Variants in SETD3 observed in about 807,000 individuals in gnomAD.
The protein encoded by SETD3 is actin-histidine N-methyltransferase.
In SETD3, 19 loss-of-function variants were observed where a neutral mutation model predicts 63.0. The observed-to-expected ratio is 0.30, with a 90% CI of 0.21 to 0.44. The LOEUF is 0.44. SETD3 is among the 20% of genes least tolerant of loss of function. The pLI, the probability that SETD3 is intolerant of heterozygous loss-of-function variation, is 1.00. For synonymous variants in SETD3, 286 were observed against 264.1 expected, an observed-to-expected ratio of 1.08 and a Z score of -0.80; for missense variants, 587 against 728.5, an observed-to-expected ratio of 0.81 and a Z score of 2.24.
chr14:99,408,687 A>G (rs1891813421), intron 8 of SETD3, among the ~76,000 whole-genome samples: 1 of 152,268 alleles, frequency 6.6e-6, no homozygotes, highest in Non-Finnish European at 1.5e-5. Context: ...ACAGGCAAAC[A>G]GGCTGGGATC....
chr14:99,484,129 A>G (rs560554952), upstream of SETD3, among the ~76,000 whole-genome samples: 2 of 152,384 alleles, frequency 1.3e-5, no homozygotes. Context: ...AGGATGTAAC[A>G]TTCCACTTAA....
Position 99,480,843 on chromosome 14 carries a change from G to C in SETD3, c.-124C>G, listed in dbSNP as rs557101253. 2 of 159,756 alleles carry C rather than the reference G, an allele frequency of 1.3e-5. No individual in the cohort carries two copies. Among genetic ancestry groups the C allele is most frequent in the Non-Finnish European group, 2.7e-5 (2 of 74,740 alleles). 9.9% of individuals were successfully genotyped at this position (159,756 alleles called of 1,614,324 possible). ...GGCGGCGGCGGCGGCCGGACGGGAG[G>C]GGCGGGACGGCAGCCTGAGACGGCC... On this transcript the variant is annotated 5_prime_UTR_variant, in exon 1 of 13. Transcript: ENST00000331768.
upstream of SETD3, among the ~76,000 whole-genome samples, chr14:99,482,282 A>G (rs1428129790): frequency 6.6e-6 from 1 of 152,238 alleles, no homozygotes. Flanking sequence ...ATCTCGATCT[A>G]AATCGCTGTT....
intron 1 of SETD3, among the ~76,000 whole-genome samples, chr14:99,475,300 G>T (rs1278996888): frequency 6.6e-6 from 1 of 152,194 alleles, no homozygotes; most frequent in Non-Finnish European, 1.5e-5. Flanking sequence ...GGATGTTATG[G>T]AGCAGTCACG....
Position 99,413,045 on chromosome 14 carries a change from A to C in SETD3, c.755T>G (p.Met252Arg). 6.2e-7 allele frequency: 1 copy of C among 1,612,114 alleles called. No individual in the cohort carries two copies. The highest frequency in any genetic ancestry group is 1.1e-5 in the South Asian group (1 of 91,016). Residue 252 changes from methionine (M) to arginine (R), a missense_variant, in exon 8 of 13, where the codon ATG (methionine) becomes AGG (arginine). Physicochemically the swap from Met to Arg is moderately conservative, Grantham distance 91 (BLOSUM62 -1). Transcript: ENST00000331768. ...EDYRWAVSSV[M>R]TRQNQIPTED... ...TGTGGGAATTTGGTTTTGCCTCGTCATAACAGAAGAGACTGCCCACCTATA... is the reference window on the plus strand; with the variant it reads ...TGTGGGAATTTGGTTTTGCCTCGTCCTAACAGAAGAGACTGCCCACCTATA...
chr14:99,416,247 C>CT (rs1034910864), intron 6 of SETD3, among the ~76,000 whole-genome samples: 1 of 151,756 alleles, frequency 6.6e-6, no homozygotes, highest in African/African-American at 2.4e-5. Flanking sequence ...AAAAAAAAAC[C>CT]TTTTTTCCCT....
Position 99,459,224 on chromosome 14 carries a change from C to T in SETD3, c.346-39G>A, listed in dbSNP as rs184162482. 11,664 of 1,427,298 alleles carry T rather than the reference C, an allele frequency of 8.2e-3. 121 individuals are homozygous for T. Among genetic ancestry groups the T allele is most frequent in the Non-Finnish European group, 8.0e-3 (8,104 of 1,013,994 alleles). 88.4% of individuals were successfully genotyped at this position (1,427,298 alleles called of 1,614,324 possible). On this transcript the variant is annotated intron_variant, in intron 4 of 12. Coordinates refer to ENST00000331768, the MANE Select transcript of SETD3 (RefSeq NM_032233.3). ...TAATAATAGGAGAATCATCAAAACA[C>T]GGTACAGTCTTCAATCCAACCATAT...
At chr14:99,453,130 G>A (rs760923134) in intron 6 of SETD3, among the ~76,000 whole-genome samples, 8 of 152,148 alleles carry the variant, frequency 5.3e-5, no homozygotes, top group Non-Finnish European at 7.3e-5. Context: ...CTCTCTCCCT[G>A]AGTGACAATG....
intron 6 of SETD3, among the ~76,000 whole-genome samples, chr14:99,438,845 T>A (rs1893633311): frequency 6.6e-6 from 1 of 152,230 alleles, no homozygotes; most frequent in African/African-American, 2.4e-5. Context: ...CCTTTCTGTT[T>A]CATCTTCTTG....
At chr14:99,413,996 TCAG>T in intron 6 of SETD3, 62 bp from the exon 7 acceptor site, 2 of 1,464,092 alleles carry the variant, frequency 1.4e-6, no homozygotes, top group Non-Finnish European at 1.9e-6. Context: ...CAGAAATCAG[TCAG>T]CAGAATTTCA....
intron 6 of SETD3, among the ~76,000 whole-genome samples, 194 bp from the exon 7 acceptor site, chr14:99,414,128 T>C (rs1892158267): frequency 6.6e-6 from 1 of 152,264 alleles, no homozygotes; most frequent in South Asian, 2.1e-4. Context: ...CTTAATTTGT[T>C]GTGCCCAGCA....
intron 1 of SETD3, among the ~76,000 whole-genome samples, chr14:99,476,489 C>G (rs2139823311): frequency 6.6e-6 from 1 of 152,326 alleles, no homozygotes; most frequent in East Asian, 1.9e-4. Flanking sequence ...TCCAGTCCAC[C>G]ATATCTGCAA....
Position 99,398,781 on chromosome 14 carries a change from A to G in SETD3, c.1683T>C (p.Asn561=). Residue 561 remains asparagine, a synonymous_variant, in exon 13 of 13, where the codon AAT becomes AAC. Coordinates refer to ENST00000331768, the MANE Select transcript of SETD3 (RefSeq NM_032233.3). The part of the protein sequence containing the change: ...GLVNGENSIP[N]GTRSENESLN... Reference sequence around the variant, plus strand: ...GACTTTCATTTTCGGACCTGGTCCCATTAGGGATAGAGTTTTCACCGTTTA... The same window carrying G: ...GACTTTCATTTTCGGACCTGGTCCCGTTAGGGATAGAGTTTTCACCGTTTA... 6.2e-7 allele frequency: 1 copy of G among 1,614,180 alleles called. No homozygotes were observed. The highest frequency in any genetic ancestry group is 8.5e-7 in the Non-Finnish European group (1 of 1,180,024).
At chr14:99,433,637 C>T (rs1421721779) in intron 6 of SETD3, among the ~76,000 whole-genome samples, 3 of 152,032 alleles carry the variant, frequency 2.0e-5, no homozygotes, top group African/African-American at 7.2e-5. Context: ...CAGGGTTTTA[C>T]CATGTTAGCC....
At chr14:99,411,995 A>G (rs1291435204) in intron 8 of SETD3, 1 of 152,226 alleles carries the variant, frequency 6.6e-6, no homozygotes, top group Non-Finnish European at 1.5e-5. Flanking sequence ...TGGCCATTCC[A>G]GGGAATTCAA....
chr14:99,465,115 G>C (rs1312505445), intron 2 of SETD3, among the ~76,000 whole-genome samples: 1 of 152,228 alleles, frequency 6.6e-6, no homozygotes, highest in Non-Finnish European at 1.5e-5. Context: ...CAGCCTGGGT[G>C]AGAGAGCGGG....
rs1383265663 is a variant in SETD3, at chr14:99,405,520, G to C, written c.925-149C>G. 12 of 900,124 alleles carry C rather than the reference G, an allele frequency of 1.3e-5. No homozygotes were observed. The East Asian group carries it at 3.0e-4, about 23-fold the overall frequency. 55.8% of individuals were successfully genotyped at this position (900,124 alleles called of 1,614,324 possible). On this transcript the variant is annotated intron_variant, in intron 9 of 12. Transcript: ENST00000331768. ...TACACCTGTTTGGTATAGGTTGCAA[G>C]GGTGAAGCTGTGCAATTTTCCCAAC...
intron 1 of SETD3, among the ~76,000 whole-genome samples, chr14:99,475,285 G>A (rs559201289): frequency 2.2e-4 from 33 of 152,342 alleles, no homozygotes; most frequent in African/African-American, 7.7e-4. Context: ...TAAGATCATG[G>A]TGCCGGATGT....
At chr14:99,454,408 C>G (rs10145484) in intron 6 of SETD3, among the ~76,000 whole-genome samples, 2 of 151,944 alleles carry the variant, frequency 1.3e-5, no homozygotes, top group African/African-American at 4.8e-5. Context: ...GAGCTTGTGA[C>G]GAGTCACTAT....
Sources: allele counts gnomAD v4.1 joint callset (sites outside exome capture counted in the v4.1 genomes callset), GRCh38; gene constraint gnomAD v4.1.1; transcripts MANE v1.5; gene names NCBI Gene and HGNC (gene_info 2026-07-23, HGNC 2026-07-21).